The following MGAT4C variants were observed in gnomAD, a reference collection of about 807,000 sequenced individuals.
MGAT4C encodes the protein MGAT4 family member C, also known as alpha-1,3-mannosyl-glycoprotein 4-beta-N-acetylglucosaminyltransferase C.
In MGAT4C, 19 loss-of-function variants were observed where a neutral mutation model predicts 40.1. The observed-to-expected ratio is 0.47, with a 90% confidence interval of 0.33 to 0.70. The LOEUF (loss-of-function observed/expected upper bound fraction) is 0.70, where lower values mean the gene tolerates loss of function less well. Ranked by LOEUF, MGAT4C falls within the 30% of genes least tolerant of loss-of-function variation. MGAT4C has a pLI of 0.02. For synonymous variants in MGAT4C, 181 were observed against 187.1 expected, an observed-to-expected ratio of 0.97 and a Z score of 0.27; for missense variants, 491 against 563.2, an observed-to-expected ratio of 0.87 and a Z score of 1.30.
At chr12:85,987,747 A>G (rs1392760416) in intron 3 of MGAT4C, among the ~76,000 whole-genome samples, 1 of 152,208 alleles carries the variant, frequency 6.6e-6, no homozygotes, top group East Asian at 1.9e-4. Flanking sequence ...GGCGTTTTGC[A>G]CATTCAATGG....
At chr12:86,288,769 C>T (rs553775679) in intron 4 of MGAT4C, among the ~76,000 whole-genome samples, 2 of 151,632 alleles carry the variant, frequency 1.3e-5, no homozygotes, top group East Asian at 3.9e-4. Context: ...GTTGTTTTTC[C>T]CTTGTAAATT....
chr12:86,771,837 T>G (rs552789014), intron 1 of MGAT4C, among the ~76,000 whole-genome samples: 1 of 152,180 alleles, frequency 6.6e-6, no homozygotes, highest in East Asian at 1.9e-4. Context: ...TATACAGTAA[T>G]GCAAAGTTTA....
intron 3 of MGAT4C, among the ~76,000 whole-genome samples, chr12:86,344,576 T>A (rs1954975833): frequency 1.3e-5 from 2 of 152,190 alleles, no homozygotes; most frequent in South Asian, 4.1e-4. Context: ...CTAAACAGGT[T>A]CCAATTGATT....
chr12:86,213,610 C>G lies in MGAT4C; in HGVS notation c.-57+42629G>C, dbSNP rs547478355. Reference sequence around the variant, plus strand: ...TTTATGTTTAATGGTTCCTTAACACCAATTATTTAAAAAAAACAGTATATC... The same window carrying G: ...TTTATGTTTAATGGTTCCTTAACACGAATTATTTAAAAAAAACAGTATATC... On this transcript the variant is annotated intron_variant, in intron 1 of 4. Coordinates refer to ENST00000611864, the MANE Select transcript of MGAT4C (RefSeq NM_001351288.2). Among the ~76,000 whole-genome samples, 5 of 149,856 alleles carry G rather than the reference C, an allele frequency of 3.3e-5. No individual in the cohort carries two copies. In the South Asian group the frequency reaches 6.3e-4, roughly 19 times the overall value.
chr12:86,599,325 A>G (rs1211817779), intron 2 of MGAT4C, among the ~76,000 whole-genome samples: 1 of 152,170 alleles, frequency 6.6e-6, no homozygotes, highest in Non-Finnish European at 1.5e-5. Context: ...AAAAATTCCA[A>G]TCATTATTAT....
At chr12:86,196,779 C>A (rs1394951382) in intron 1 of MGAT4C, among the ~76,000 whole-genome samples, 2 of 152,178 alleles carry the variant, frequency 1.3e-5, no homozygotes, top group African/African-American at 2.4e-5. Flanking sequence ...CTTTAAGGAG[C>A]AAATTTCCAG....
intron 2 of MGAT4C, among the ~76,000 whole-genome samples, chr12:86,722,052 T>C (rs142143573): frequency 9.2e-5 from 14 of 152,164 alleles, no homozygotes; most frequent in African/African-American, 3.4e-4. Flanking sequence ...TCAACATAAA[T>C]AACAAGGACA....
chr12:86,101,998 C>A (rs564162024), intron 1 of MGAT4C, among the ~76,000 whole-genome samples: 1 of 151,804 alleles, frequency 6.6e-6, no homozygotes, highest in South Asian at 2.1e-4. Flanking sequence ...GTTTCTTATC[C>A]AAAATATAGG....
rs187341769 is a variant in MGAT4C, at chr12:86,226,878, C to T, written c.-57+29361G>A. 2.1e-3 allele frequency among the ~76,000 whole-genome samples: 316 copies of T among 151,850 alleles called. 2 individuals are homozygous for T. The highest frequency in any genetic ancestry group is 5.9e-4 in the Non-Finnish European group (40 of 67,794). On this transcript the variant is annotated intron_variant, in intron 1 of 4. Coordinates refer to ENST00000611864, the MANE Select transcript of MGAT4C (RefSeq NM_001351288.2). ...TTCTCGAAAAAGAACTTCTTTGGAC[C>T]CTGCAACCCACTCCTACTAGTGCTC...
intron 4 of MGAT4C, among the ~76,000 whole-genome samples, chr12:86,308,367 A>G (rs1953992144): frequency 6.6e-6 from 1 of 150,638 alleles, no homozygotes; most frequent in Admixed American, 6.6e-5. Flanking sequence ...GAGTTTTTAT[A>G]TCAGTTTCTT....
At chr12:86,549,720 C>CG in intron 2 of MGAT4C, among the ~76,000 whole-genome samples, 1 of 152,234 alleles carries the variant, frequency 6.6e-6, no homozygotes, top group South Asian at 2.1e-4. Flanking sequence ...AAATGAACCA[C>CG]GACAACCCAT....
chr12:86,597,615 C>T (rs1393874829), intron 2 of MGAT4C, among the ~76,000 whole-genome samples: 1 of 152,114 alleles, frequency 6.6e-6, no homozygotes. Context: ...TCTTTCAGGT[C>T]CTGCATACTG....
chr12:85,994,475 A>T (rs1220294060), intron 2 of MGAT4C, among the ~76,000 whole-genome samples: 1 of 152,138 alleles, frequency 6.6e-6, no homozygotes, highest in Non-Finnish European at 1.5e-5. Flanking sequence ...GAACAAAATA[A>T]ATGTCATTTA....
chr12:86,638,514 C>T (rs1446807122), intron 2 of MGAT4C, among the ~76,000 whole-genome samples: 1 of 151,678 alleles, frequency 6.6e-6, no homozygotes, highest in African/African-American at 2.4e-5. Context: ...GGGATTAGTA[C>T]CTTTATAAGA....
Position 86,516,876 on chromosome 12 carries a change from A to G in MGAT4C, c.-228-81611T>C, listed in dbSNP as rs547407664. Among the ~76,000 whole-genome samples the G allele has an allele frequency of 4.6e-5, 7 of 152,334 alleles. No individual in the cohort carries two copies. In the South Asian group the frequency reaches 1.4e-3, roughly 32 times the overall value. ...TAGCTTAAAAATCAAAGACGTATAT[A>G]AACAACTACTTCAACTTAACATTCA... On this transcript the variant is annotated intron_variant, in intron 2 of 7. Transcript: ENST00000548651.
chr12:86,164,395 A>T lies in MGAT4C; in HGVS notation c.-57+91844T>A, dbSNP rs1162486007. On this transcript the variant is annotated intron_variant, in intron 1 of 4. Transcript: ENST00000611864. ...CATGTATTTTACTATTTAATCATAC[A>T]TATTTAATCAATAACTGTTTACTGC... Among the ~76,000 whole-genome samples the T allele has an allele frequency of 3.3e-5, 5 of 152,188 alleles. 1 individual carries two copies. In the East Asian group the frequency reaches 9.6e-4, roughly 29 times the overall value.
At chr12:86,375,720 C>T (rs1319318677) in intron 3 of MGAT4C, among the ~76,000 whole-genome samples, 2 of 151,686 alleles carry the variant, frequency 1.3e-5, no homozygotes, top group African/African-American at 2.4e-5. Flanking sequence ...AAGTTTACAA[C>T]AATAAATAAA....
chr12:86,625,125 C>T (rs761275629), intron 2 of MGAT4C, among the ~76,000 whole-genome samples: 176 of 152,060 alleles, frequency 1.2e-3, no homozygotes, highest in Non-Finnish European at 2.0e-3. Flanking sequence ...ATAAGTGGCT[C>T]TTTTTAGGGG....
chr12:86,061,179 G>C (rs1893923906), intron 1 of MGAT4C, among the ~76,000 whole-genome samples: 1 of 152,184 alleles, frequency 6.6e-6, no homozygotes, highest in Admixed American at 6.5e-5. Flanking sequence ...TTATTGGGCT[G>C]GTTGGACAGT....
Sources: gnomAD v4.1 joint callset for allele counts (sites outside exome capture counted in the v4.1 genomes callset) on GRCh38, gnomAD v4.1.1 for gene constraint, MANE v1.5 for transcripts, NCBI Gene and HGNC (gene_info 2026-07-23, HGNC 2026-07-21) for gene names.